LRRC8C: variants seen among roughly 807,000 people sequenced by gnomAD.
LRRC8C encodes volume-regulated anion channel subunit LRRC8C.
A neutral mutation model predicts 55.3 loss-of-function variants in LRRC8C; 20 were observed. The observed-to-expected ratio is 0.36, with a 90% CI of 0.25 to 0.53. The LOEUF (loss-of-function observed/expected upper bound fraction) is 0.53, where lower values mean the gene tolerates loss of function less well. Ranked by LOEUF, LRRC8C falls within the 20% of genes least tolerant of loss-of-function variation. The pLI is 0.92. For synonymous variants in LRRC8C, 376 were observed against 360.7 expected (o/e 1.04, Z -0.48); for missense variants, 659 against 951.4 (o/e 0.69, Z 4.04).
chr1:89,687,707 C>T (rs1050407649), intron 2 of LRRC8C, among the ~76,000 whole-genome samples: 1 of 152,148 alleles, frequency 6.6e-6, no homozygotes, highest in African/African-American at 2.4e-5. Context: ...ACACAACTAA[C>T]TCATGGACTA....
At position 89,715,720 on chromosome 1, in the gene LRRC8C, A is replaced by G. The variant is rs1411283964; in HGVS notation, c.*738A>G. On this transcript the variant is annotated 3_prime_UTR_variant, in exon 3 of 3. Coordinates refer to ENST00000370454, the MANE Select transcript of LRRC8C (RefSeq NM_032270.5). ...CTCCCACCTTAATCTCAATACTGCT[A>G]TGTAGTACTGGTGAACAACTTTGGA... The G allele has an allele frequency of 6.6e-6, 1 of 152,232 alleles. No individual in the cohort carries two copies. The highest frequency in any genetic ancestry group is 2.4e-5 in the African/African-American group (1 of 41,468). The allele number at this position is 152,232 out of a possible 1,614,324, so 9.4% of individuals were successfully genotyped here. A position where few individuals can be genotyped will look rare whatever the true frequency, so the allele number is the denominator to read the frequency against.
At chr1:89,629,082 C>T (rs762314644), upstream of LRRC8C, among the ~76,000 whole-genome samples, 4 of 152,192 alleles carry the variant, frequency 2.6e-5, no homozygotes, top group Non-Finnish European at 4.4e-5. Context: ...GACATTACCT[C>T]TCAGGCAACT....
intron 1 of LRRC8C, 143 bp from the exon 2 acceptor site, chr1:89,686,327 G>A: frequency 1.4e-6 from 1 of 739,684 alleles, no homozygotes; most frequent in South Asian, 2.0e-5. Context: ...TTTATTCAGT[G>A]GCTCATCAAA....
chr1:89,652,961 A>G (rs1656831989), intron 1 of LRRC8C, among the ~76,000 whole-genome samples: 1 of 152,138 alleles, frequency 6.6e-6, no homozygotes, highest in South Asian at 2.1e-4. Flanking sequence ...CCCTGGCATT[A>G]TGGAGGAACA....
At chr1:89,642,615 C>T (rs1044283462) in intron 1 of LRRC8C, among the ~76,000 whole-genome samples, 11 of 151,818 alleles carry the variant, frequency 7.2e-5, no homozygotes, top group East Asian at 5.8e-4. Context: ...TTTGAGAGGC[C>T]GAGGTGGGTG....
chr1:89,617,570 T>C, the LRRC8C span, among the ~76,000 whole-genome samples: 14 of 152,346 alleles, frequency 9.2e-5, no homozygotes, highest in East Asian at 2.7e-3. Flanking sequence ...TCTACTTCCA[T>C]GGATTCCAGT....
At chr1:89,697,771 C>G (rs1041279568) in intron 2 of LRRC8C, among the ~76,000 whole-genome samples, 5 of 152,104 alleles carry the variant, frequency 3.3e-5, no homozygotes, top group African/African-American at 1.2e-4. Flanking sequence ...TCACCCACCC[C>G]CTTCATTTCT....
At chr1:89,627,667 C>T in the LRRC8C span, among the ~76,000 whole-genome samples, 9 of 152,246 alleles carry the variant, frequency 5.9e-5, no homozygotes, top group South Asian at 1.7e-3. Context: ...AGCATGAGAA[C>T]CCTGAAATTG....
intron 1 of LRRC8C, among the ~76,000 whole-genome samples, chr1:89,683,949 A>G (rs944194077): frequency 5.3e-5 from 8 of 152,188 alleles, no homozygotes. Context: ...GCTGGCTTTT[A>G]TATTAAGCCA....
chr1:89,687,582 A>G (rs1332650201), intron 2 of LRRC8C, among the ~76,000 whole-genome samples: 3 of 152,128 alleles, frequency 2.0e-5, no homozygotes, highest in Non-Finnish European at 4.4e-5. Flanking sequence ...GTAAATGGAG[A>G]AGGAAGTGGG....
intron 1 of LRRC8C, among the ~76,000 whole-genome samples, chr1:89,638,869 G>T (rs1656371422): frequency 6.6e-6 from 1 of 151,994 alleles, no homozygotes; most frequent in South Asian, 2.1e-4. Context: ...GAATGCTGTG[G>T]TATTATTCAT....
At chr1:89,630,353 A>G (rs1656072376), upstream of LRRC8C, among the ~76,000 whole-genome samples, 1 of 152,236 alleles carries the variant, frequency 6.6e-6, no homozygotes, top group South Asian at 2.1e-4. Flanking sequence ...ATAGCTAGAG[A>G]TACAAGATTT....
chr1:89,713,637 AG>A lies in LRRC8C; in HGVS notation c.1069del (p.Glu357ArgfsTer10). On this transcript the variant is annotated frameshift_variant, in exon 3 of 3. Transcript: ENST00000370454. LOFTEE classifies it high-confidence loss of function. This position sits in a 1 kb window ranked among gnomAD's most constrained non-coding sequence, Gnocchi z 5.2. ...LREYSFEYVRQETGIDDIPDV... is the reference protein window; with the variant it reads ...LREYSFEYVRXETGIDDIPDV... ...GAATATTCCTTTGAGTATGTCCGTC[AG>A]GAGACTGGAATTGATGATATTCCAG... 6.2e-7 allele frequency: 1 copy of A among 1,614,192 alleles called. No homozygotes were observed. The highest frequency in any genetic ancestry group is 8.5e-7 in the Non-Finnish European group (1 of 1,180,026).
intron 2 of LRRC8C, among the ~76,000 whole-genome samples, chr1:89,692,349 G>C (rs537308126): frequency 6.6e-6 from 1 of 152,276 alleles, no homozygotes; most frequent in South Asian, 2.1e-4. Context: ...TGATAAAATA[G>C]TAATCCAACA....
At chr1:89,653,927 G>A (rs1441544351) in intron 1 of LRRC8C, among the ~76,000 whole-genome samples, 6 of 152,018 alleles carry the variant, frequency 3.9e-5, no homozygotes, top group African/African-American at 9.7e-5. Context: ...AAAGCTACCC[G>A]CACTTGTATG....
At chr1:89,706,610 C>T (rs899844453) in intron 2 of LRRC8C, among the ~76,000 whole-genome samples, 1 of 152,160 alleles carries the variant, frequency 6.6e-6, no homozygotes, top group African/African-American at 2.4e-5. Flanking sequence ...TTTCAGTATG[C>T]AATAGAGCAT....
chr1:89,681,862 A>G (rs1227747914), intron 1 of LRRC8C, among the ~76,000 whole-genome samples: 2 of 152,214 alleles, frequency 1.3e-5, no homozygotes, highest in Non-Finnish European at 2.9e-5. Flanking sequence ...GTAGACATGT[A>G]GACATACATG....
chr1:89,677,687 A>T (rs1170078266), intron 1 of LRRC8C, among the ~76,000 whole-genome samples: 1 of 152,198 alleles, frequency 6.6e-6, no homozygotes, highest in South Asian at 2.1e-4. Context: ...AGGGGTCTGG[A>T]CTGGATGATC....
chr1:89,653,651 G>A (rs1016078290), intron 1 of LRRC8C, among the ~76,000 whole-genome samples: 24 of 152,136 alleles, frequency 1.6e-4, no homozygotes, highest in African/African-American at 5.8e-4. Context: ...GGGAGAACTG[G>A]TTAGATTCTA....
Sources: gnomAD v4.1 joint callset for allele counts (sites outside exome capture counted in the v4.1 genomes callset) on GRCh38, gnomAD v4.1.1 for gene constraint, Gnocchi (gnomAD v3.1) non-coding constraint, MANE v1.5 for transcripts, NCBI Gene and HGNC (gene_info 2026-07-23, HGNC 2026-07-21) for gene names.